Variants in AGAP1 observed in about 807,000 individuals in gnomAD.
AGAP1 encodes ArfGAP with GTPase domain, ankyrin repeat and PH domain 1.
A neutral mutation model predicts 105.3 loss-of-function variants in AGAP1; 29 were observed. The ratio of observed to expected loss-of-function variants is 0.28; its 90% CI spans 0.21 to 0.38. The LOEUF is 0.38. Among genes scored for constraint, AGAP1 ranks in the 10% least tolerant of loss-of-function variants. The pLI, the probability that AGAP1 is intolerant of heterozygous loss-of-function variation, is 1.00. For missense variants in AGAP1, 998 were observed against 1,165.1 expected (o/e 0.86, Z 2.09); for synonymous variants, 509 against 485.9 (o/e 1.05, Z -0.63).
At position 235,906,379 on chromosome 2, in the gene AGAP1, C is replaced by T. The variant is rs953197772; in HGVS notation, c.1156-2359C>T. 6.6e-6 allele frequency among the ~76,000 whole-genome samples: 1 copy of T among 152,102 alleles called. No individual in the cohort carries two copies. Among genetic ancestry groups the T allele is most frequent in the Admixed American group, 6.5e-5 (1 of 15,274 alleles). ...CATTGTTCTTCCTCCTGGTTCTGAC[C>T]CTGGTGTTTTGAGCTTTCTGTCTGC... is the stretch of plus-strand genomic sequence containing the variant. On this transcript the variant is annotated intron_variant, in intron 10 of 17. Transcript: ENST00000304032. The surrounding 1 kb of genome is among the most constrained non-coding windows in gnomAD (Gnocchi z 5.3).
intron 3 of AGAP1, among the ~76,000 whole-genome samples, chr2:235,735,029 G>A (rs375243312): frequency 4.1e-5 from 5 of 122,646 alleles, no homozygotes; most frequent in South Asian, 2.8e-4. Flanking sequence ...CGCACTGGCC[G>A]TGGAGCTCTT....
rs1344776507 is a variant in AGAP1, at chr2:235,971,329, C to G, written c.1645+2706C>G. ...AAGTCAGAACATATCATTGTAGATTCAGTGATATATGATATTTTTGATAGT... is the reference window on the plus strand; with the variant it reads ...AAGTCAGAACATATCATTGTAGATTGAGTGATATATGATATTTTTGATAGT... On this transcript the variant is annotated intron_variant, in intron 13 of 17. Transcript: ENST00000304032. The surrounding 1 kb of genome is among the most constrained non-coding windows in gnomAD (Gnocchi z 4.8). 6.6e-6 allele frequency among the ~76,000 whole-genome samples: 1 copy of G among 152,122 alleles called. No individual in the cohort carries two copies. The highest frequency in any genetic ancestry group is 2.4e-5 in the African/African-American group (1 of 41,412).
rs555998483 is a variant in AGAP1 at position 236,104,210 on chromosome 2, G to A, written c.2115-15982G>A. 7.7e-4 allele frequency among the ~76,000 whole-genome samples: 118 copies of A among 152,328 alleles called. No homozygotes were observed. Among genetic ancestry groups the A allele is most frequent in the African/African-American group, 2.5e-3 (103 of 41,592 alleles). On this transcript the variant is annotated intron_variant, in intron 16 of 17. Transcript: ENST00000304032. The surrounding 1 kb of genome is among the most constrained non-coding windows in gnomAD (Gnocchi z 4.7). The stretch of plus-strand genomic sequence containing the variant: ...GGCCCGCTCCAGCAGCCGGGGCGCT[G>A]GTAGGGCCAGGCCTGTTGGCTGCTG...
intron 8 of AGAP1, among the ~76,000 whole-genome samples, chr2:235,803,723 A>C (rs1360781985): frequency 6.6e-6 from 1 of 152,242 alleles, no homozygotes; most frequent in East Asian, 1.9e-4. Context: ...ATTCATATAC[A>C]ATTTTTAAAC....
chr2:235,747,348 G>A lies in AGAP1; in HGVS notation c.538+2509G>A, dbSNP rs1419197710. On this transcript the variant is annotated intron_variant, in intron 5 of 17. Coordinates refer to ENST00000304032, the MANE Select transcript of AGAP1 (RefSeq NM_001037131.3). The surrounding 1 kb of genome is among the most constrained non-coding windows in gnomAD (Gnocchi z 5.0). The stretch of plus-strand genomic sequence containing the variant: ...TGAATTCCATGAACATCCGTTGATC[G>A]GATGTGGAAAGATGCCCAGGAAGGC... Among the ~76,000 whole-genome samples the A allele has an allele frequency of 2.0e-5, 3 of 152,132 alleles. No individual in the cohort carries two copies. The highest frequency in any genetic ancestry group is 2.9e-5 in the Non-Finnish European group (2 of 68,026).
chr2:236,078,357 T>C lies in AGAP1; in HGVS notation c.2114+29076T>C, dbSNP rs1484313335. ...CTGCTTTCTCAAGGATAATTGCCTT[T>C]GTTTGGAGTCCATGGACTATAAGTG... On this transcript the variant is annotated intron_variant, in intron 16 of 17. Coordinates refer to ENST00000304032, the MANE Select transcript of AGAP1 (RefSeq NM_001037131.3). The surrounding 1 kb of genome is among the most constrained non-coding windows in gnomAD (Gnocchi z 5.3). Among the ~76,000 whole-genome samples the C allele has an allele frequency of 6.6e-6, 1 of 152,114 alleles. No individual in the cohort carries two copies. The highest frequency in any genetic ancestry group is 2.4e-5 in the African/African-American group (1 of 41,438).
At chr2:235,873,771 AG>A (rs1334167567) in intron 9 of AGAP1, among the ~76,000 whole-genome samples, 10 of 152,224 alleles carry the variant, frequency 6.6e-5, no homozygotes, top group African/African-American at 1.9e-4. Context: ...TTTGTCACCC[AG>A]ACTGGAGTGC....
intron 1 of AGAP1, among the ~76,000 whole-genome samples, chr2:235,697,486 A>G (rs999152892): frequency 2.8e-4 from 42 of 152,276 alleles, no homozygotes; most frequent in African/African-American, 7.7e-4. Flanking sequence ...AGGGGGGACC[A>G]ATACCTAGTG....
Position 235,689,551 on chromosome 2 carries a change from C to G in AGAP1, c.164-19628C>G, listed in dbSNP as rs1175212051. ...CTGTGTGGTGGGGAATTCTGAAAGT[C>G]TTAAGTCTGTTTCTCAACTCCCCTC... On this transcript the variant is annotated intron_variant, in intron 1 of 17. Coordinates refer to ENST00000304032, the MANE Select transcript of AGAP1 (RefSeq NM_001037131.3). The surrounding 1 kb of genome is among the most constrained non-coding windows in gnomAD (Gnocchi z 4.2). Among the ~76,000 whole-genome samples the G allele has an allele frequency of 6.6e-6, 1 of 152,008 alleles. No homozygotes were observed. The highest frequency in any genetic ancestry group is 1.5e-5 in the Non-Finnish European group (1 of 68,032).
rs1400528757 is a variant in AGAP1, at chr2:236,055,847, C to G, written c.2114+6566C>G. ...GAATCAGACTGAGAGAACCATAACTCACTTAGCCACCCTTCATGACTGGAT... is the reference window on the plus strand; with the variant it reads ...GAATCAGACTGAGAGAACCATAACTGACTTAGCCACCCTTCATGACTGGAT... On this transcript the variant is annotated intron_variant, in intron 16 of 17. Coordinates refer to ENST00000304032, the MANE Select transcript of AGAP1 (RefSeq NM_001037131.3). This position sits in a 1 kb window ranked among gnomAD's most constrained non-coding sequence, Gnocchi z 6.2. 1.3e-5 allele frequency among the ~76,000 whole-genome samples: 2 copies of G among 152,236 alleles called. No homozygotes were observed. The highest frequency in any genetic ancestry group is 2.9e-5 in the Non-Finnish European group (2 of 68,054).
At chr2:235,884,788 A>G (rs907076930) in intron 10 of AGAP1, among the ~76,000 whole-genome samples, 1 of 152,118 alleles carries the variant, frequency 6.6e-6, no homozygotes, top group Non-Finnish European at 1.5e-5. Context: ...AGTTGATTGA[A>G]TCTGCACATT....
At chr2:236,115,303 C>T (rs1036851287) in intron 16 of AGAP1, among the ~76,000 whole-genome samples, 8 of 152,202 alleles carry the variant, frequency 5.3e-5, no homozygotes, top group African/African-American at 1.9e-4. Flanking sequence ...CCCAAAACAG[C>T]CCTGCCTTGT....
rs1364834840 is a variant in AGAP1, at chr2:235,664,508, A to G, written c.164-44671A>G. On this transcript the variant is annotated intron_variant, in intron 1 of 17. Coordinates refer to ENST00000304032, the MANE Select transcript of AGAP1 (RefSeq NM_001037131.3). This position sits in a 1 kb window ranked among gnomAD's most constrained non-coding sequence, Gnocchi z 5.7. Reference sequence around the variant, plus strand: ...GCTGGGATTACAAGCATGAGCCACCACACTTGGCCTGATTTAATATCTTAA... The same window carrying G: ...GCTGGGATTACAAGCATGAGCCACCGCACTTGGCCTGATTTAATATCTTAA... Among the ~76,000 whole-genome samples the G allele has an allele frequency of 6.6e-6, 1 of 152,216 alleles. No homozygotes were observed. Among genetic ancestry groups the G allele is most frequent in the East Asian group, 1.9e-4 (1 of 5,192 alleles).
intron 1 of AGAP1, among the ~76,000 whole-genome samples, chr2:235,542,988 T>C (rs993450202): frequency 6.6e-6 from 1 of 152,132 alleles, no homozygotes; most frequent in African/African-American, 2.4e-5. Flanking sequence ...CCTGACTTCC[T>C]GTTTGCTGAG....
chr2:236,023,953 C>A (rs1331568394), intron 13 of AGAP1, among the ~76,000 whole-genome samples: 2 of 152,002 alleles, frequency 1.3e-5, no homozygotes, highest in African/African-American at 2.4e-5. Context: ...CCTCCTTGAG[C>A]CCTTTTCTAT....
In AGAP1 at chr2:235,930,552, T is replaced by G. The variant is rs2125151035; in HGVS notation, c.1325-213T>G. ...TCTGTGGCATCGGGTCCCTTCACAT[T>G]GCTTTGTCAGGCACCATCAAGATTG... On this transcript the variant is annotated intron_variant, in intron 11 of 17. Coordinates refer to ENST00000304032, the MANE Select transcript of AGAP1 (RefSeq NM_001037131.3). This position sits in a 1 kb window ranked among gnomAD's most constrained non-coding sequence, Gnocchi z 7.9. Among the ~76,000 whole-genome samples the G allele has an allele frequency of 6.6e-6, 1 of 152,240 alleles. No homozygotes were observed. The highest frequency in any genetic ancestry group is 1.5e-5 in the Non-Finnish European group (1 of 68,026).
At chr2:236,097,734 G>A (rs930439340) in intron 16 of AGAP1, among the ~76,000 whole-genome samples, 5 of 152,194 alleles carry the variant, frequency 3.3e-5, no homozygotes, top group Admixed American at 6.5e-5. Flanking sequence ...TCAGTACATT[G>A]ACATTGCTGC....
At chr2:235,668,009 G>C (rs118179051) in intron 1 of AGAP1, among the ~76,000 whole-genome samples, 1 of 142,322 alleles carries the variant, frequency 7.0e-6, no homozygotes, top group Non-Finnish European at 1.5e-5. Context: ...AACTCAAAAG[G>C]TAAAATGATT....
intron 1 of AGAP1, among the ~76,000 whole-genome samples, chr2:235,708,212 T>C (rs1950649586): frequency 6.6e-6 from 1 of 152,222 alleles, no homozygotes. Flanking sequence ...GGACAATATA[T>C]TGGAAGTAAA....
Sources: gnomAD v4.1 joint callset for allele counts (sites outside exome capture counted in the v4.1 genomes callset) on GRCh38, gnomAD v4.1.1 for gene constraint, Gnocchi (gnomAD v3.1) non-coding constraint, MANE v1.5 for transcripts, NCBI Gene and HGNC (gene_info 2026-07-23, HGNC 2026-07-21) for gene names.